The following GPHN variants were observed in gnomAD, a reference collection of about 807,000 sequenced individuals.
GPHN encodes the protein gephyrin.
In GPHN, 17 loss-of-function variants were observed where a neutral mutation model predicts 95.5. That is an observed-to-expected ratio of 0.18 (90% CI 0.12 to 0.27). The LOEUF is 0.27. Ranked by LOEUF, GPHN falls within the 10% of genes least tolerant of loss-of-function variation. The pLI, the probability that GPHN is intolerant of heterozygous loss-of-function variation, is 1.00. For synonymous variants in GPHN, 320 were observed against 322.5 expected, an observed-to-expected ratio of 0.99 and a Z score of 0.08; for missense variants, 660 against 978.1, an observed-to-expected ratio of 0.67 and a Z score of 4.34.
chr14:67,541,686 G>A, the GPHN span: 2 of 528,338 alleles, frequency 3.8e-6, no homozygotes, highest in Non-Finnish European at 3.2e-6. Flanking sequence ...GGGGCCCTGG[G>A]GATCAGTGAC....
At chr14:67,500,092 C>T in the GPHN span, among the ~76,000 whole-genome samples, 6 of 152,166 alleles carry the variant, frequency 3.9e-5, no homozygotes, top group East Asian at 3.9e-4. Context: ...CAGCTACTCA[C>T]GTGGGAGGAT....
chr14:67,578,307 G>T, the GPHN span: 1 of 986,740 alleles, frequency 1.0e-6, no homozygotes, highest in Non-Finnish European at 1.6e-6. The surrounding 1 kb of genome is among the most constrained non-coding windows in gnomAD (Gnocchi z 5.0). Context: ...CCCAGCCAGC[G>T]GGCAGCCTCT....
the GPHN span, among the ~76,000 whole-genome samples, chr14:67,485,013 A>G: frequency 6.6e-6 from 1 of 152,248 alleles, no homozygotes; most frequent in African/African-American, 2.4e-5. Context: ...CAAAGGGAAC[A>G]GTTGTTTCCC....
intron 9 of GPHN, among the ~76,000 whole-genome samples, chr14:67,006,357 C>T (rs973211916): frequency 4.6e-5 from 7 of 152,090 alleles, no homozygotes; most frequent in Non-Finnish European, 7.4e-5. Flanking sequence ...TACCATTCTG[C>T]ACCCAGTATT....
chr14:67,491,655 A>C, the GPHN span, among the ~76,000 whole-genome samples: 55,844 of 152,078 alleles, frequency 0.37, 11,762 homozygotes, highest in South Asian at 0.51. Flanking sequence ...GAAGATGCCT[A>C]AAGGCCCACT....
the GPHN span, among the ~76,000 whole-genome samples, chr14:67,610,669 GC>G: frequency 6.6e-6 from 1 of 152,050 alleles, no homozygotes; most frequent in Non-Finnish European, 1.5e-5. Context: ...ATCAAGAGAG[GC>G]CCCCTGGTCC....
chr14:67,599,528 A>G, the GPHN span, among the ~76,000 whole-genome samples: 1 of 152,316 alleles, frequency 6.6e-6, no homozygotes, highest in Non-Finnish European at 1.5e-5. Flanking sequence ...AGAGATTAGG[A>G]AGAACTATAA....
the GPHN span, among the ~76,000 whole-genome samples, chr14:67,622,279 A>G: frequency 6.6e-6 from 1 of 152,158 alleles, no homozygotes; most frequent in African/African-American, 2.4e-5. Context: ...ATCTAAGTTA[A>G]CTCCCCACTG....
At chr14:66,619,540 A>C (rs1370117650) in intron 1 of GPHN, among the ~76,000 whole-genome samples, 1 of 150,318 alleles carries the variant, frequency 6.7e-6, no homozygotes, top group Non-Finnish European at 1.5e-5. Context: ...CTGTCTATTC[A>C]AACGTTTTAT....
the GPHN span, among the ~76,000 whole-genome samples, chr14:67,704,562 GGTAA>G: frequency 6.6e-6 from 1 of 152,028 alleles, no homozygotes; most frequent in African/African-American, 2.4e-5. Flanking sequence ...GTGGAAGGAT[GGTAA>G]GTATTATACC....
At chr14:67,397,982 C>T in the GPHN span, 50 of 536,928 alleles carry the variant, frequency 9.3e-5, 1 homozygote, top group South Asian at 1.5e-3. Context: ...CTTCTGAGTA[C>T]GTAGCAAAGA....
intron 17 of GPHN, among the ~76,000 whole-genome samples, chr14:67,133,541 T>C (rs1595304677): frequency 6.6e-6 from 1 of 152,140 alleles, no homozygotes; most frequent in East Asian, 1.9e-4. Flanking sequence ...TTATAGTAAT[T>C]TGAGGCAGAT....
intron 2 of GPHN, chr14:66,760,539 T>G: frequency 7.2e-6 from 2 of 278,918 alleles, no homozygotes; most frequent in Non-Finnish European, 1.4e-5. Flanking sequence ...AACATGCATA[T>G]CGAGAAGTGT....
chr14:67,299,436 A>G, the GPHN span, among the ~76,000 whole-genome samples: 1 of 152,218 alleles, frequency 6.6e-6, no homozygotes, highest in Non-Finnish European at 1.5e-5. Context: ...GATTTTTCAC[A>G]TTTAACATAC....
the GPHN span, among the ~76,000 whole-genome samples, chr14:67,370,994 A>G: frequency 1.3e-5 from 2 of 151,780 alleles, no homozygotes; most frequent in East Asian, 3.9e-4. Context: ...ATGCCACTAC[A>G]CTCCAGCCTG....
the GPHN span, chr14:67,585,674 G>A: frequency 4.0e-6 from 6 of 1,482,300 alleles, no homozygotes; most frequent in South Asian, 3.6e-5. Context: ...GATGCAGGCT[G>A]CTCCCTGACC....
At chr14:67,285,750 G>T in the GPHN span, among the ~76,000 whole-genome samples, 71 of 152,212 alleles carry the variant, frequency 4.7e-4, no homozygotes, top group East Asian at 0.013. Flanking sequence ...TGGAAAGTAG[G>T]ATTTTCTGAT....
At chr14:66,931,156 C>A (rs1490425613) in intron 8 of GPHN, among the ~76,000 whole-genome samples, 1 of 152,020 alleles carries the variant, frequency 6.6e-6, no homozygotes, top group Non-Finnish European at 1.5e-5. Flanking sequence ...TTTCCTTCAG[C>A]AGTTTAAAAT....
chr14:67,314,514 G>A, the GPHN span, among the ~76,000 whole-genome samples: 4 of 152,018 alleles, frequency 2.6e-5, no homozygotes, highest in Non-Finnish European at 5.9e-5. Context: ...GCTAAAACCC[G>A]TGATTCTTCA....
Sources: gnomAD v4.1 joint callset for allele counts (sites outside exome capture counted in the v4.1 genomes callset) on GRCh38, gnomAD v4.1.1 for gene constraint, Gnocchi (gnomAD v3.1) non-coding constraint, MANE v1.5 for transcripts, NCBI Gene and HGNC (gene_info 2026-07-23, HGNC 2026-07-21) for gene names.